The following RBFOX1 variants were observed in gnomAD, a reference collection of about 807,000 sequenced individuals.
The protein encoded by RBFOX1 is RNA binding protein fox-1 homolog 1.
In RBFOX1, 8 loss-of-function variants were observed where a neutral mutation model predicts 57.7. That is an observed-to-expected ratio of 0.14 (90% CI 0.08 to 0.25). The LOEUF is 0.25. RBFOX1 is among the 10% of genes least tolerant of loss of function. The pLI, the probability that RBFOX1 is intolerant of heterozygous loss-of-function variation, is 1.00. For synonymous variants in RBFOX1, 326 were observed against 222.4 expected, an observed-to-expected ratio of 1.47 and a Z score of -4.15; for missense variants, 611 against 548.5, an observed-to-expected ratio of 1.11 and a Z score of -1.14.
chr16:7,273,565 T>A (rs1341643770), intron 4 of RBFOX1, among the ~76,000 whole-genome samples: 1 of 152,188 alleles, frequency 6.6e-6, no homozygotes, highest in Non-Finnish European at 1.5e-5. Flanking sequence ...CTTTGTGCCT[T>A]CATTTTTTCA....
chr16:7,222,150 A>G (rs56165306), intron 4 of RBFOX1, among the ~76,000 whole-genome samples: 58,448 of 151,560 alleles, frequency 0.39, 11,723 homozygotes, highest in East Asian at 0.67. Context: ...CGTTGTTTCA[A>G]AAGCCCAGCC....
chr16:5,980,743 G>C (rs1053614952), intron 4 of RBFOX1, among the ~76,000 whole-genome samples: 1 of 152,120 alleles, frequency 6.6e-6, no homozygotes, highest in African/African-American at 2.4e-5. Flanking sequence ...ATAGCAGGTA[G>C]GTGTGTGTGC....
chr16:6,364,581 G>C (rs2089223681), intron 2 of RBFOX1, among the ~76,000 whole-genome samples: 1 of 152,180 alleles, frequency 6.6e-6, no homozygotes, highest in Non-Finnish European at 1.5e-5. Flanking sequence ...GCAGGCATGT[G>C]TGTACACACA....
In RBFOX1 at chr16:7,074,295, C is replaced by T. The variant is rs536139790; in HGVS notation, c.27+22197C>T. 2.0e-5 allele frequency among the ~76,000 whole-genome samples: 3 copies of T among 152,100 alleles called. No homozygotes were observed. In the East Asian group the frequency reaches 5.8e-4, roughly 29 times the overall value. ...TTCGCAGATGGGAAGTCTCAGAAAT[C>T]GAATGAAAACCATAAGCAAGAACCA... On this transcript the variant is annotated intron_variant, in intron 4 of 15. Transcript: ENST00000550418.
intron 14 of RBFOX1, among the ~76,000 whole-genome samples, chr16:7,691,360 A>G (rs1025770674): frequency 6.6e-6 from 1 of 150,750 alleles, no homozygotes; most frequent in Non-Finnish European, 1.5e-5. Flanking sequence ...ATCAATACAC[A>G]TAGGTTTTCA....
chr16:7,231,288 A>G (rs1022252400), intron 4 of RBFOX1, among the ~76,000 whole-genome samples: 1 of 152,202 alleles, frequency 6.6e-6, no homozygotes, highest in Non-Finnish European at 1.5e-5. Flanking sequence ...GTCTTGTACC[A>G]TGTGTTTATC....
chr16:6,252,763 A>G (rs2097628523), intron 1 of RBFOX1, among the ~76,000 whole-genome samples: 1 of 152,210 alleles, frequency 6.6e-6, no homozygotes, highest in African/African-American at 2.4e-5. Context: ...CAGATGAGGT[A>G]GTGTGGAAGA....
chr16:6,898,174 C>G (rs872772), intron 3 of RBFOX1, among the ~76,000 whole-genome samples: 2 of 152,004 alleles, frequency 1.3e-5, no homozygotes, highest in Non-Finnish European at 2.9e-5. Context: ...TCGTAGCCAA[C>G]GGCATTAAGA....
At chr16:5,815,194 A>G (rs1303980337) in intron 3 of RBFOX1, among the ~76,000 whole-genome samples, 4 of 125,598 alleles carry the variant, frequency 3.2e-5, no homozygotes, top group Non-Finnish European at 4.7e-5. Flanking sequence ...CAGTCTCACT[A>G]TGTTGCCAAG....
chr16:6,140,240 G>A (rs913557902), intron 1 of RBFOX1, among the ~76,000 whole-genome samples: 2 of 149,920 alleles, frequency 1.3e-5, no homozygotes, highest in African/African-American at 4.9e-5. Flanking sequence ...CACCCAGGCT[G>A]GAGTGCAGTG....
At chr16:6,123,452 CA>C (rs1354490890) in intron 1 of RBFOX1, among the ~76,000 whole-genome samples, 2 of 152,068 alleles carry the variant, frequency 1.3e-5, no homozygotes, top group Non-Finnish European at 2.9e-5. Flanking sequence ...CTAAAGTAGT[CA>C]AATACTTAGA....
At chr16:6,779,901 A>T (rs866038169) in intron 3 of RBFOX1, among the ~76,000 whole-genome samples, 2 of 14,058 alleles carry the variant, frequency 1.4e-4, no homozygotes, top group Non-Finnish European at 1.2e-4. Context: ...ATATATATTT[A>T]TATATATTTA....
At chr16:7,358,872 G>T (rs1330507976) in intron 4 of RBFOX1, among the ~76,000 whole-genome samples, 1 of 152,164 alleles carries the variant, frequency 6.6e-6, no homozygotes, top group African/African-American at 2.4e-5. Context: ...AACTTTCTAA[G>T]GACAAGACAT....
rs191089400 is a variant in RBFOX1, at chr16:6,579,379, G to A, written c.-63-75224G>A. On this transcript the variant is annotated intron_variant, in intron 2 of 15. Coordinates refer to ENST00000550418, the MANE Select transcript of RBFOX1 (RefSeq NM_018723.4). ...CCACCACACCTGGTGATATGGTTTGGCTTTGTGTCTCCACCCAAATCTCAT... is the reference window on the plus strand; with the variant it reads ...CCACCACACCTGGTGATATGGTTTGACTTTGTGTCTCCACCCAAATCTCAT... Among the ~76,000 whole-genome samples the A allele has an allele frequency of 1.0e-3, 152 of 152,060 alleles. 5 individuals are homozygous for A. The South Asian group carries it at 0.03, about 30-fold the overall frequency.
At chr16:6,599,583 A>G (rs1293090059) in intron 2 of RBFOX1, among the ~76,000 whole-genome samples, 1 of 152,160 alleles carries the variant, frequency 6.6e-6, no homozygotes, top group Non-Finnish European at 1.5e-5. Flanking sequence ...CTTACTTGCA[A>G]AAACTTGATT....
chr16:6,531,658 C>G (rs989143637), intron 2 of RBFOX1, among the ~76,000 whole-genome samples: 16 of 152,112 alleles, frequency 1.1e-4, no homozygotes, highest in Non-Finnish European at 2.4e-4. Flanking sequence ...CATATGTTGT[C>G]TAGTAGCCCT....
intron 2 of RBFOX1, among the ~76,000 whole-genome samples, chr16:6,421,667 G>A (rs2093775128): frequency 6.6e-6 from 1 of 152,094 alleles, no homozygotes; most frequent in South Asian, 2.1e-4. Flanking sequence ...GAAAACATGG[G>A]TGCTTTAGAT....
intron 10 of RBFOX1, among the ~76,000 whole-genome samples, chr16:7,621,989 A>C (rs1182068609): frequency 2.0e-5 from 3 of 152,232 alleles, no homozygotes; most frequent in Admixed American, 2.0e-4. Context: ...AGTTTCATGC[A>C]ATTTTCACTA....
chr16:6,865,715 C>G (rs1016392552), intron 3 of RBFOX1, among the ~76,000 whole-genome samples: 2 of 151,936 alleles, frequency 1.3e-5, no homozygotes, highest in Admixed American at 6.6e-5. Flanking sequence ...CTCATTTTGC[C>G]TCTCATTTGC....
Sources: gnomAD v4.1 joint callset for allele counts (sites outside exome capture counted in the v4.1 genomes callset) on GRCh38, gnomAD v4.1.1 for gene constraint, MANE v1.5 for transcripts, NCBI Gene and HGNC (gene_info 2026-07-23, HGNC 2026-07-21) for gene names.